The following TGM2 variants were observed in gnomAD, a reference collection of about 807,000 sequenced individuals.
TGM2 encodes the protein protein-glutamine gamma-glutamyltransferase 2.
TGM2 carries 53 observed loss-of-function variants against 75.6 expected under a neutral mutation model. The observed-to-expected ratio is 0.70, with a 90% confidence interval of 0.56 to 0.88. The LOEUF (loss-of-function observed/expected upper bound fraction) is 0.88. Among genes scored for constraint, TGM2 ranks in the 40% least tolerant of loss-of-function variants. TGM2 has a pLI of 0.00. For synonymous variants in TGM2, 374 were observed against 381.1 expected (o/e 0.98, Z 0.22); for missense variants, 842 against 928.5 (o/e 0.91, Z 1.21).
At chr20:38,157,882 G>C (rs1200645831) in intron 2 of TGM2, among the ~76,000 whole-genome samples, 1 of 152,218 alleles carries the variant, frequency 6.6e-6, no homozygotes, top group East Asian at 1.9e-4. Flanking sequence ...GCCATTAAAA[G>C]TCTGAATTCT....
At position 38,146,909 on chromosome 20, in the gene TGM2, G is replaced by A. The variant is rs764213850; in HGVS notation, c.682-15C>T. The A allele has an allele frequency of 6.2e-6, 10 of 1,610,436 alleles. No individual in the cohort carries two copies. Among genetic ancestry groups the A allele is most frequent in the Non-Finnish European group, 8.5e-6 (10 of 1,179,810 alleles). On this transcript the variant is annotated splice_polypyrimidine_tract_variant and intron_variant, in intron 5 of 12. Coordinates refer to ENST00000361475, the MANE Select transcript of TGM2 (RefSeq NM_004613.4). ...TTGCAGTTGACCTGCAACCAGTGGG[G>A]CAGCACGGGGACTGAGCCTGGGATG...
At chr20:38,150,872 C>A (rs2122929217) in intron 4 of TGM2, 67 bp downstream of exon 4, 2 of 1,261,408 alleles carry the variant, frequency 1.6e-6, no homozygotes, top group Admixed American at 3.4e-5. Flanking sequence ...TTTGGCTGCC[C>A]CCAGACACAG....
intron 5 of TGM2, 111 bp from the exon 6 acceptor site, chr20:38,147,005 G>A: frequency 8.4e-7 from 1 of 1,197,334 alleles, no homozygotes; most frequent in Non-Finnish European, 1.2e-6. Context: ...GGAGCTCCAG[G>A]GTGAGGAAAG....
chr20:38,147,310 C>T (rs1307977448), intron 5 of TGM2, among the ~76,000 whole-genome samples: 1 of 152,100 alleles, frequency 6.6e-6, no homozygotes, highest in Non-Finnish European at 1.5e-5. Context: ...CCAAGAGGCC[C>T]TTCTGGTCTC....
intron 9 of TGM2, among the ~76,000 whole-genome samples, 160 bp from the exon 10 acceptor site, chr20:38,138,545 T>A (rs2074930113): frequency 1.3e-5 from 2 of 152,158 alleles, no homozygotes; most frequent in Admixed American, 1.3e-4. Flanking sequence ...AGCATTTCAT[T>A]AATTTTCCAC....
rs1568700443 is a variant in TGM2, at chr20:38,155,964, T to C, written c.316A>G (p.Thr106Ala). 2 of 1,612,570 alleles carry C rather than the reference T, an allele frequency of 1.2e-6. No individual in the cohort carries two copies. The highest frequency in any genetic ancestry group is 1.7e-6 in the Non-Finnish European group (2 of 1,179,628). The change falls in exon 3 of 13, where the codon ACC (threonine) becomes GCC (alanine). Residue 106 changes from threonine to alanine, a missense_variant. By Grantham distance (58) the Thr-to-Ala change is moderately conservative. Coordinates refer to ENST00000361475, the MANE Select transcript of TGM2 (RefSeq NM_004613.4). ...AGGCCGATGGGGGCGTTGGCCGGGG[T>C]GGTGAGCTGCAGCGAGAGGGTGCAG... ...QDCTLSLQLTTPANAPIGLYR... is the reference protein window; with the variant it reads ...QDCTLSLQLTAPANAPIGLYR...
At chr20:38,160,253 G>A (rs951906546) in intron 2 of TGM2, among the ~76,000 whole-genome samples, 2 of 152,210 alleles carry the variant, frequency 1.3e-5, no homozygotes, top group African/African-American at 4.8e-5. Context: ...TTCCCAACCC[G>A]AGTCCTAGCC....
rs189594459 is a variant in TGM2 at position 38,144,618 on chromosome 20, A to T, written c.859+2099T>A. ...GTATTAAGAGCTTCCTATGAATGAG[A>T]TCAGTCACCATTGTCTCCATTTTAT... On this transcript the variant is annotated intron_variant, in intron 6 of 12. Coordinates refer to ENST00000361475, the MANE Select transcript of TGM2 (RefSeq NM_004613.4). Among the ~76,000 whole-genome samples the T allele has an allele frequency of 1.3e-4, 20 of 152,270 alleles. No individual in the cohort carries two copies. In the East Asian group the frequency reaches 3.7e-3, roughly 28 times the overall value.
At chr20:38,156,654 T>A (rs572982786) in intron 2 of TGM2, among the ~76,000 whole-genome samples, 106 of 152,268 alleles carry the variant, frequency 7.0e-4, no homozygotes, top group African/African-American at 2.3e-3. Flanking sequence ...CCTCAAGGTG[T>A]CTGTCTCCCC....
At chr20:38,134,517 G>A (rs1024728149) in intron 10 of TGM2, among the ~76,000 whole-genome samples, 3 of 152,200 alleles carry the variant, frequency 2.0e-5, no homozygotes, top group African/African-American at 2.4e-5. Flanking sequence ...GAAAGTCTCC[G>A]TCCACAAGCC....
At chr20:38,150,866 G>T in intron 4 of TGM2, 73 bp downstream of exon 4, 2 of 1,168,350 alleles carry the variant, frequency 1.7e-6, no homozygotes, top group Non-Finnish European at 2.6e-6. Context: ...TGCAGCTTTG[G>T]CTGCCCCCAG....
At chr20:38,151,092 T>A in intron 3 of TGM2, 35 bp from the exon 4 acceptor site, 2 of 1,535,482 alleles carry the variant, frequency 1.3e-6, no homozygotes, top group Non-Finnish European at 1.8e-6. Context: ...CAGCTCTGGG[T>A]CTGCGGAGGC....
chr20:38,143,879 A>C (rs567854430), intron 6 of TGM2, among the ~76,000 whole-genome samples: 4 of 152,256 alleles, frequency 2.6e-5, no homozygotes, highest in Admixed American at 2.6e-4. Context: ...CCAGGGTAAG[A>C]GCTTACTGGT....
chr20:38,137,898 C>T (rs1387194099), intron 10 of TGM2: 1 of 1,143,208 alleles, frequency 8.7e-7, no homozygotes, highest in Non-Finnish European at 1.2e-6. Context: ...GTCTACTCAT[C>T]TGGAAAACGG....
upstream of TGM2, among the ~76,000 whole-genome samples, chr20:38,167,451 C>A (rs940113098): frequency 2.6e-5 from 4 of 152,200 alleles, no homozygotes; most frequent in African/African-American, 7.2e-5. Context: ...ATCCTCCTGC[C>A]TCAGCTTCCC....
intron 2 of TGM2, 149 bp from the exon 3 acceptor site, chr20:38,156,238 C>G (rs1443331533): frequency 9.7e-7 from 1 of 1,033,150 alleles, no homozygotes; most frequent in African/African-American, 1.6e-5. Context: ...CTCCCTGAGC[C>G]TCAGTTTCCT....
intron 10 of TGM2, among the ~76,000 whole-genome samples, chr20:38,135,783 T>A (rs1472546671): frequency 6.6e-6 from 1 of 151,968 alleles, no homozygotes; most frequent in Non-Finnish European, 1.5e-5. Flanking sequence ...GCTTCTCGCC[T>A]CCCCACGCCT....
intron 3 of TGM2, among the ~76,000 whole-genome samples, chr20:38,155,145 C>T (rs2075167473): frequency 6.6e-6 from 1 of 151,922 alleles, no homozygotes. Context: ...ACACAAAAAA[C>T]AGGGCCCCAT....
chr20:38,138,236 T>C lies in TGM2; in HGVS notation c.1492A>G (p.Asn498Asp). The C allele has an allele frequency of 2.5e-6, 4 of 1,613,400 alleles. No individual in the cohort carries two copies. In the South Asian group the frequency reaches 4.4e-5, roughly 18 times the overall value. The change falls in exon 10 of 13, where the codon AAC becomes GAC. Residue 498 changes from asparagine (N) to aspartate (D), a missense_variant. Asn to Asp is a conservative substitution (Grantham distance 23, BLOSUM62 1). Transcript: ENST00000361475. ...CGGCAGACGTACTCCTCAGCGGTGT[T>C]GTTGGTGATGTGGGCAAAGACGTCA... ...DFDVFAHITN[N>D]TAEEYVCRLL... is the part of the protein sequence containing the mutation.
Sources: gnomAD v4.1 joint callset for allele counts (sites outside exome capture counted in the v4.1 genomes callset) on GRCh38, gnomAD v4.1.1 for gene constraint, MANE v1.5 for transcripts, NCBI Gene and HGNC (gene_info 2026-07-23, HGNC 2026-07-21) for gene names.